The following ACTR3C variants were observed in gnomAD, a reference collection of about 807,000 sequenced individuals.
ACTR3C encodes actin-related protein 3C.
ACTR3C carries 18 observed loss-of-function variants against 26.3 expected under a neutral mutation model. That is an observed-to-expected ratio of 0.68 (90% CI 0.47 to 1.01). The LOEUF (loss-of-function observed/expected upper bound fraction) is 1.01. ACTR3C is among the 50% of genes least tolerant of loss of function. ACTR3C has a pLI of 0.00. For synonymous variants in ACTR3C, 55 were observed against 94.5 expected, an observed-to-expected ratio of 0.58 and a Z score of 2.42; for missense variants, 184 against 250.7, an observed-to-expected ratio of 0.73 and a Z score of 1.80.
chr7:150,295,350 G>A lies in ACTR3C; in HGVS notation c.-51-3C>T. On this transcript the variant is annotated splice_polypyrimidine_tract_variant and splice_region_variant and intron_variant, in intron 1 of 7. Transcript: ENST00000683684. ...GGTGTATTGAGTGGAGGTTCTGTCT[G>A]TAAGAAAACATTCACTATATTTAGT... 2 of 1,611,872 alleles carry A rather than the reference G, an allele frequency of 1.2e-6. No homozygotes were observed. Among genetic ancestry groups the A allele is most frequent in the African/African-American group, 1.3e-5 (1 of 75,022 alleles).
At chr7:150,320,716 T>C (rs762071238) in intron 1 of ACTR3C, among the ~76,000 whole-genome samples, 4 of 152,236 alleles carry the variant, frequency 2.6e-5, no homozygotes, top group Admixed American at 6.5e-5. Context: ...TGAGCCGAGA[T>C]GGTGGCATTG....
the ACTR3C span, among the ~76,000 whole-genome samples, chr7:150,063,585 T>C: frequency 6.6e-6 from 1 of 151,594 alleles, no homozygotes; most frequent in Admixed American, 6.6e-5. Flanking sequence ...TCACTGAGTC[T>C]AGAGATTTTC....
chr7:150,315,091 T>G (rs1444612856), intron 1 of ACTR3C, among the ~76,000 whole-genome samples: 5 of 147,328 alleles, frequency 3.4e-5, no homozygotes, highest in African/African-American at 1.2e-4. Flanking sequence ...TATTATTTAT[T>G]ATATTTTATT....
the ACTR3C span, among the ~76,000 whole-genome samples, chr7:150,136,730 A>T: frequency 6.6e-6 from 1 of 151,840 alleles, no homozygotes; most frequent in Non-Finnish European, 1.5e-5. Context: ...AGTCAGTACA[A>T]GTTCAGGAAG....
chr7:149,994,398 G>A, the ACTR3C span, among the ~76,000 whole-genome samples: 1 of 152,124 alleles, frequency 6.6e-6, no homozygotes, highest in African/African-American at 2.4e-5. Flanking sequence ...AGGAGTTTGA[G>A]ACCAGCATAG....
At chr7:150,312,300 G>A (rs2129615682) in intron 1 of ACTR3C, among the ~76,000 whole-genome samples, 1 of 152,252 alleles carries the variant, frequency 6.6e-6, no homozygotes, top group South Asian at 2.1e-4. Flanking sequence ...TAATCCAGGA[G>A]ACAAAGATTA....
chr7:150,189,477 C>T, the ACTR3C span, among the ~76,000 whole-genome samples: 8 of 150,054 alleles, frequency 5.3e-5, no homozygotes, highest in African/African-American at 1.7e-4. Flanking sequence ...GATAAAATCA[C>T]GTATTAACTA....
intron 3 of ACTR3C, among the ~76,000 whole-genome samples, chr7:150,289,950 G>A (rs1228593664): frequency 6.6e-6 from 1 of 152,102 alleles, no homozygotes. Flanking sequence ...CTAACAAAAA[G>A]GAAAAAGTTT....
intron 6 of ACTR3C, among the ~76,000 whole-genome samples, chr7:150,282,337 C>G (rs1265325433): frequency 1.3e-5 from 2 of 152,170 alleles, no homozygotes; most frequent in African/African-American, 4.8e-5. Context: ...TAAACCTTTG[C>G]TGCTAAACAC....
the ACTR3C span, among the ~76,000 whole-genome samples, chr7:150,014,262 T>C: frequency 3.9e-5 from 6 of 152,138 alleles, no homozygotes; most frequent in African/African-American, 1.4e-4. Flanking sequence ...GAGACCATCC[T>C]GGCTAACACA....
chr7:150,135,134 T>C, the ACTR3C span, among the ~76,000 whole-genome samples: 7 of 152,052 alleles, frequency 4.6e-5, no homozygotes, highest in African/African-American at 2.4e-5. Context: ...TAGCCAGGCG[T>C]GGTGGTGGGC....
chr7:150,164,125 C>T, the ACTR3C span, among the ~76,000 whole-genome samples: 3 of 152,054 alleles, frequency 2.0e-5, no homozygotes, highest in African/African-American at 4.8e-5. Flanking sequence ...GATGCGGGCA[C>T]GCTGGTTACC....
the ACTR3C span, among the ~76,000 whole-genome samples, chr7:150,016,674 G>A: frequency 3.3e-5 from 5 of 152,066 alleles, no homozygotes; most frequent in African/African-American, 7.3e-5. Flanking sequence ...ACTTACAGAC[G>A]GAGGTATGAC....
chr7:150,145,368 CTTACT>C, the ACTR3C span, among the ~76,000 whole-genome samples: 3 of 147,602 alleles, frequency 2.0e-5, no homozygotes, highest in African/African-American at 7.5e-5. Flanking sequence ...AATTAGAAGA[CTTACT>C]TCATCTCACA....
the ACTR3C span, among the ~76,000 whole-genome samples, chr7:150,092,309 A>C: frequency 2.0e-5 from 3 of 149,482 alleles, no homozygotes; most frequent in African/African-American, 7.5e-5. Context: ...GAAAAAGTAC[A>C]CTGAAATGGC....
the ACTR3C span, among the ~76,000 whole-genome samples, chr7:150,195,963 C>A: frequency 6.6e-6 from 1 of 152,306 alleles, no homozygotes; most frequent in Non-Finnish European, 1.5e-5. Flanking sequence ...TAATTCTTAT[C>A]TTTGTTCTCC....
chr7:150,047,622 C>T, the ACTR3C span: 1 of 1,047,326 alleles, frequency 9.5e-7, no homozygotes, highest in Non-Finnish European at 1.2e-6. Flanking sequence ...CTCCTTGTCA[C>T]CATCGCTCCG....
intron 6 of ACTR3C, among the ~76,000 whole-genome samples, chr7:150,265,051 C>G (rs1256636305): frequency 6.6e-6 from 1 of 151,888 alleles, no homozygotes; most frequent in Non-Finnish European, 1.5e-5. Context: ...ACTAGGTCAC[C>G]AAAAAGATAG....
the ACTR3C span, among the ~76,000 whole-genome samples, chr7:150,080,409 T>C: frequency 6.6e-6 from 1 of 151,498 alleles, no homozygotes; most frequent in Non-Finnish European, 1.5e-5. Flanking sequence ...ATCACGCTTT[T>C]ATCTAGAGGA....
Sources: allele counts gnomAD v4.1 joint callset (sites outside exome capture counted in the v4.1 genomes callset), GRCh38; gene constraint gnomAD v4.1.1; transcripts MANE v1.5; gene names NCBI Gene and HGNC (gene_info 2026-07-23, HGNC 2026-07-21).